Variants in KLF12 observed in about 807,000 individuals in gnomAD.
KLF12 encodes the protein Krueppel-like factor 12.
KLF12 carries 9 observed loss-of-function variants against 37.8 expected under a neutral mutation model. The ratio of observed to expected loss-of-function variants is 0.24; its 90% confidence interval spans 0.14 to 0.42. The LOEUF (loss-of-function observed/expected upper bound fraction) is 0.42, where lower values mean the gene tolerates loss of function less well. Ranked by LOEUF, KLF12 falls within the 10% of genes least tolerant of loss-of-function variation. The pLI is 1.00. For synonymous variants in KLF12, 208 were observed against 202.1 expected (o/e 1.03, Z -0.25); for missense variants, 411 against 516.0 (o/e 0.80, Z 1.97).
At chr13:74,123,242 A>T (rs987367492) in intron 1 of KLF12, among the ~76,000 whole-genome samples, 2 of 152,164 alleles carry the variant, frequency 1.3e-5, no homozygotes, top group African/African-American at 2.4e-5. Flanking sequence ...ATTTAAGATT[A>T]AAAAAATGTG....
chr13:73,839,406 A>C (rs1884625849), intron 4 of KLF12, among the ~76,000 whole-genome samples: 1 of 151,932 alleles, frequency 6.6e-6, no homozygotes, highest in Admixed American at 6.6e-5. Context: ...CCTGTCTGAC[A>C]TTACCTTCTA....
At chr13:74,236,190 C>T in the KLF12 span, among the ~76,000 whole-genome samples, 5 of 142,412 alleles carry the variant, frequency 3.5e-5, no homozygotes, top group African/African-American at 8.4e-5. Context: ...TGAGAATATG[C>T]GGTGTTTGGT....
chr13:73,794,251 G>A (rs1439538495), intron 5 of KLF12, among the ~76,000 whole-genome samples: 10 of 152,156 alleles, frequency 6.6e-5, no homozygotes, highest in Non-Finnish European at 1.3e-4. Context: ...ATCTGAGGTC[G>A]GGAGTTCGAG....
intron 1 of KLF12, among the ~76,000 whole-genome samples, chr13:74,053,246 GA>G (rs1873030025): frequency 2.0e-5 from 3 of 152,152 alleles, no homozygotes; most frequent in Admixed American, 1.3e-4. Context: ...CATTTATGGT[GA>G]AAAACTGACT....
rs570520502 is a variant in KLF12, at chr13:74,125,732, T to C, written c.-32+8007A>G. 8.5e-5 allele frequency among the ~76,000 whole-genome samples: 13 copies of C among 152,366 alleles called. No homozygotes were observed. In the South Asian group the frequency reaches 2.3e-3, roughly 27 times the overall value. ...TATCAGCAAACAATTGACTTCTTTA[T>C]TGAAGTATATCTTGTAGTAAACGTA... On this transcript the variant is annotated intron_variant, in intron 1 of 7. Coordinates refer to ENST00000377669, the MANE Select transcript of KLF12 (RefSeq NM_007249.5).
chr13:74,304,273 G>A, the KLF12 span, among the ~76,000 whole-genome samples: 1 of 152,068 alleles, frequency 6.6e-6, no homozygotes, highest in Non-Finnish European at 1.5e-5. Flanking sequence ...TTTTCTTTTT[G>A]TGGAAATTTT....
the KLF12 span, among the ~76,000 whole-genome samples, chr13:74,141,781 G>C: frequency 2.6e-5 from 4 of 152,178 alleles, no homozygotes; most frequent in Admixed American, 2.0e-4. Flanking sequence ...CTGGAAATGG[G>C]TCACATGAGT....
At chr13:74,211,995 C>A in the KLF12 span, among the ~76,000 whole-genome samples, 7 of 152,020 alleles carry the variant, frequency 4.6e-5, no homozygotes, top group African/African-American at 1.7e-4. Context: ...TTTACATATA[C>A]CACATAATGC....
chr13:73,716,197 C>T (rs1875790963), intron 6 of KLF12, among the ~76,000 whole-genome samples: 1 of 152,128 alleles, frequency 6.6e-6, no homozygotes, highest in African/African-American at 2.4e-5. Flanking sequence ...AGAAATTTGG[C>T]CCTAACTTGC....
At chr13:74,207,340 T>A in the KLF12 span, among the ~76,000 whole-genome samples, 1 of 152,276 alleles carries the variant, frequency 6.6e-6, no homozygotes, top group African/African-American at 2.4e-5. Flanking sequence ...AAGTATGGGA[T>A]GGGAAAGTAC....
At chr13:73,791,489 C>T (rs1455902617) in intron 5 of KLF12, among the ~76,000 whole-genome samples, 12 of 152,044 alleles carry the variant, frequency 7.9e-5, no homozygotes, top group Non-Finnish European at 2.9e-5. Flanking sequence ...CATTTTGTGG[C>T]TGTTCTCCTA....
chr13:74,133,423 T>C (rs1206348352), intron 1 of KLF12, among the ~76,000 whole-genome samples: 1 of 150,690 alleles, frequency 6.6e-6, no homozygotes, highest in Non-Finnish European at 1.5e-5. Flanking sequence ...AAACACTTGC[T>C]TAATTCACGT....
At chr13:74,017,058 G>A (rs1236381619) in intron 1 of KLF12, among the ~76,000 whole-genome samples, 2 of 152,040 alleles carry the variant, frequency 1.3e-5, no homozygotes, top group Admixed American at 6.6e-5. Flanking sequence ...TATGGTGATA[G>A]GAGACAGCAC....
chr13:74,234,971 A>T, the KLF12 span, among the ~76,000 whole-genome samples: 1 of 152,052 alleles, frequency 6.6e-6, no homozygotes, highest in East Asian at 1.9e-4. Flanking sequence ...TATCTATCTA[A>T]CTATCTATCC....
chr13:73,789,746 C>G (rs962438924), intron 5 of KLF12, among the ~76,000 whole-genome samples: 5 of 151,600 alleles, frequency 3.3e-5, no homozygotes, highest in Non-Finnish European at 7.4e-5. Flanking sequence ...GTGCCATCTC[C>G]GCTCACTGCA....
At chr13:74,074,769 C>G (rs936114148) in intron 1 of KLF12, among the ~76,000 whole-genome samples, 4 of 152,152 alleles carry the variant, frequency 2.6e-5, no homozygotes, top group Non-Finnish European at 4.4e-5. Flanking sequence ...AGTTACCTGT[C>G]TTAACCAACT....
intron 3 of KLF12, among the ~76,000 whole-genome samples, chr13:73,847,600 T>C (rs1594165124): frequency 6.6e-6 from 1 of 152,072 alleles, no homozygotes; most frequent in South Asian, 2.1e-4. Context: ...AAATCAGTAA[T>C]GGTACCAGAT....
At chr13:73,848,346 T>C (rs1006201113) in intron 3 of KLF12, among the ~76,000 whole-genome samples, 2 of 152,014 alleles carry the variant, frequency 1.3e-5, no homozygotes, top group African/African-American at 4.8e-5. Flanking sequence ...TGTAAGGAGA[T>C]TGCTTGTGAG....
chr13:73,974,012 A>G (rs556688421), intron 2 of KLF12, among the ~76,000 whole-genome samples: 1 of 152,188 alleles, frequency 6.6e-6, no homozygotes, highest in South Asian at 2.1e-4. Flanking sequence ...AAATAAAGGA[A>G]TATGACTAAA....
Sources: gnomAD v4.1 joint callset for allele counts (sites outside exome capture counted in the v4.1 genomes callset) on GRCh38, gnomAD v4.1.1 for gene constraint, MANE v1.5 for transcripts, NCBI Gene and HGNC (gene_info 2026-07-23, HGNC 2026-07-21) for gene names.